The following DIAPH3 variants were observed in gnomAD, a reference collection of about 807,000 sequenced individuals.
DIAPH3 encodes diaphanous related formin 3.
Under a neutral mutation model 144.3 loss-of-function variants are expected in DIAPH3, and 117 were observed. The ratio of observed to expected loss-of-function variants is 0.81; its 90% CI spans 0.70 to 0.95. The LOEUF (loss-of-function observed/expected upper bound fraction) is 0.95. Among genes scored for constraint, DIAPH3 ranks in the 40% least tolerant of loss-of-function variants. The pLI is 0.00. For synonymous variants in DIAPH3, 519 were observed against 488.9 expected (o/e 1.06, Z -0.81); for missense variants, 1,421 against 1,412.7 (o/e 1.01, Z -0.09).
chr13:59,887,924 C>T (rs1208097267), intron 20 of DIAPH3, among the ~76,000 whole-genome samples: 4 of 152,076 alleles, frequency 2.6e-5, no homozygotes, highest in Admixed American at 1.3e-4. Flanking sequence ...CTCTTCCTGG[C>T]AAGTTATTAT....
intron 20 of DIAPH3, among the ~76,000 whole-genome samples, chr13:59,888,824 C>T (rs1249751249): frequency 6.6e-6 from 1 of 151,802 alleles, no homozygotes; most frequent in Non-Finnish European, 1.5e-5. Flanking sequence ...TTCATGTCAC[C>T]TTATTTTTTT....
intron 22 of DIAPH3, among the ~76,000 whole-genome samples, chr13:59,844,746 T>C (rs906957729): frequency 9.2e-5 from 14 of 152,172 alleles, no homozygotes; most frequent in Admixed American, 1.3e-4. Context: ...TTTTGACTTT[T>C]GCATTTTCCT....
intron 1 of DIAPH3, among the ~76,000 whole-genome samples, chr13:60,142,773 T>A (rs191666806): frequency 6.6e-6 from 1 of 152,218 alleles, no homozygotes; most frequent in African/African-American, 2.4e-5. Context: ...ATTATTTTTT[T>A]TAGAGACAGG....
At chr13:60,108,895 G>T (rs1486578635) in intron 3 of DIAPH3, among the ~76,000 whole-genome samples, 3 of 152,068 alleles carry the variant, frequency 2.0e-5, no homozygotes, top group African/African-American at 7.2e-5. Flanking sequence ...GTGTGTTGGG[G>T]GGAGGTGTGT....
chr13:59,830,704 C>T (rs889852718), intron 24 of DIAPH3, among the ~76,000 whole-genome samples: 2 of 151,898 alleles, frequency 1.3e-5, no homozygotes, highest in African/African-American at 2.4e-5. Context: ...TGCATAACTG[C>T]TACTGCTGTG....
At chr13:59,730,134 A>G (rs2035825044) in intron 27 of DIAPH3, among the ~76,000 whole-genome samples, 1 of 152,184 alleles carries the variant, frequency 6.6e-6, no homozygotes. Context: ...TCACATAAAA[A>G]TGTAGATTTG....
At chr13:59,978,138 G>T (rs2050779216) in intron 14 of DIAPH3, among the ~76,000 whole-genome samples, 1 of 151,654 alleles carries the variant, frequency 6.6e-6, no homozygotes, top group Non-Finnish European at 1.5e-5. Context: ...CAACCTGAAA[G>T]CTCATAAATG....
At chr13:59,675,942 T>C (rs554153753) in intron 27 of DIAPH3, among the ~76,000 whole-genome samples, 1 of 152,344 alleles carries the variant, frequency 6.6e-6, no homozygotes, top group East Asian at 1.9e-4. Context: ...TAGCTAACTA[T>C]TTTTAAATAC....
Position 59,839,121 on chromosome 13 carries a change from A to G in DIAPH3, c.2862+203T>C, listed in dbSNP as rs147468773. ...AAATAAATAAATAAATAAATAAACA[A>G]ACAGACAGACAGACAGACATTTGTG... On this transcript the variant is annotated intron_variant, in intron 23 of 27. Transcript: ENST00000400324. 2,004 of 502,158 alleles carry G rather than the reference A, an allele frequency of 4.0e-3. 20 individuals are homozygous for G. Among genetic ancestry groups the G allele is most frequent in the African/African-American group, 0.028 (1,435 of 51,270 alleles). The allele number at this position is 502,158 out of a possible 1,614,324, so 31.1% of individuals were successfully genotyped here.
chr13:59,896,339 T>A (rs1268632525), intron 20 of DIAPH3, among the ~76,000 whole-genome samples: 1 of 152,174 alleles, frequency 6.6e-6, no homozygotes, highest in South Asian at 2.1e-4. Flanking sequence ...TGATGCGATA[T>A]TATGCCATTA....
chr13:59,944,931 A>G (rs1223690974), intron 17 of DIAPH3, among the ~76,000 whole-genome samples: 2 of 151,978 alleles, frequency 1.3e-5, no homozygotes, highest in Non-Finnish European at 2.9e-5. Context: ...TTGTAACACC[A>G]CCACTCCCTC....
At chr13:59,763,163 A>G (rs545343533) in intron 27 of DIAPH3, among the ~76,000 whole-genome samples, 1 of 152,206 alleles carries the variant, frequency 6.6e-6, no homozygotes, top group South Asian at 2.1e-4. Context: ...CTTGTTTTCC[A>G]TATCCAAGGG....
chr13:60,160,424 T>G (rs551371061), intron 1 of DIAPH3, among the ~76,000 whole-genome samples: 2 of 152,200 alleles, frequency 1.3e-5, no homozygotes, highest in Admixed American at 1.3e-4. Flanking sequence ...AGGCTCCCTT[T>G]GAATGGACTG....
At chr13:59,897,923 G>C (rs1246452930) in intron 20 of DIAPH3, among the ~76,000 whole-genome samples, 1 of 151,772 alleles carries the variant, frequency 6.6e-6, no homozygotes, top group African/African-American at 2.4e-5. Flanking sequence ...CTTGAAGTCA[G>C]GAGTTCGAGA....
chr13:60,055,347 C>T (rs2056514542), intron 4 of DIAPH3, among the ~76,000 whole-genome samples: 1 of 151,904 alleles, frequency 6.6e-6, no homozygotes, highest in African/African-American at 2.4e-5. Context: ...AATGGAAAAG[C>T]TGTCCTGCAT....
At chr13:59,937,098 G>C (rs1303462238) in intron 17 of DIAPH3, among the ~76,000 whole-genome samples, 1 of 151,640 alleles carries the variant, frequency 6.6e-6, no homozygotes, top group Non-Finnish European at 1.5e-5. Context: ...GGGAGGCAGA[G>C]CTTGCAGTGA....
At chr13:59,995,601 T>G (rs1350201608) in intron 9 of DIAPH3, among the ~76,000 whole-genome samples, 1 of 151,936 alleles carries the variant, frequency 6.6e-6, no homozygotes, top group Non-Finnish European at 1.5e-5. Context: ...AGATGGAAAT[T>G]TCTTTGAGAG....
chr13:60,029,649 G>T (rs2054642294), intron 5 of DIAPH3, among the ~76,000 whole-genome samples: 1 of 152,164 alleles, frequency 6.6e-6, no homozygotes, highest in Non-Finnish European at 1.5e-5. Context: ...TTTGCCTTCT[G>T]CCATGATTGT....
chr13:60,040,114 C>T (rs2055534077), intron 5 of DIAPH3, among the ~76,000 whole-genome samples: 1 of 149,546 alleles, frequency 6.7e-6, no homozygotes, highest in African/African-American at 2.5e-5. Flanking sequence ...GTAATCCCAG[C>T]TACTCGGGAG....
Sources: gnomAD v4.1 joint callset for allele counts (sites outside exome capture counted in the v4.1 genomes callset) on GRCh38, gnomAD v4.1.1 for gene constraint, MANE v1.5 for transcripts, NCBI Gene and HGNC (gene_info 2026-07-23, HGNC 2026-07-21) for gene names.